The following ACADSB variants were observed in gnomAD, a reference collection of about 807,000 sequenced individuals.
ACADSB encodes short/branched chain specific acyl-CoA dehydrogenase, mitochondrial.
In ACADSB, 40 loss-of-function variants were observed where a neutral mutation model predicts 54.1. That is an observed-to-expected ratio of 0.74 (90% CI 0.57 to 0.96). ACADSB has a LOEUF of 0.96. Among genes scored for constraint, ACADSB ranks in the 40% least tolerant of loss-of-function variants. ACADSB has a pLI of 0.00. For synonymous variants in ACADSB, 182 were observed against 182.8 expected, an observed-to-expected ratio of 1.00 and a Z score of 0.03; for missense variants, 530 against 510.4, an observed-to-expected ratio of 1.04 and a Z score of -0.37.
rs896016961 is a variant in ACADSB at position 123,055,813 on chromosome 10, C to T, written c.*2048C>T. 1 of 152,300 alleles carries T rather than the reference C, an allele frequency of 6.6e-6. No homozygotes were observed. The highest frequency in any genetic ancestry group is 6.5e-5 in the Admixed American group (1 of 15,280). 9.4% of individuals were successfully genotyped at this position (152,300 alleles called of 1,614,324 possible). On this transcript the variant is annotated 3_prime_UTR_variant, in exon 11 of 11. Coordinates refer to ENST00000358776, the MANE Select transcript of ACADSB (RefSeq NM_001609.4). ...AATTTTAAACCTCCAAAATGATCAC[C>T]TTTGACTCCACGTCTCACAATCATC...
At chr10:123,034,640 A>T in intron 2 of ACADSB, 125 bp downstream of exon 2, 2 of 1,036,038 alleles carry the variant, frequency 1.9e-6, no homozygotes, top group South Asian at 2.6e-5. Flanking sequence ...CCTCCTGAAT[A>T]GCTGGAAAAA....
At chr10:123,016,541 T>C (rs1850111502) in intron 1 of ACADSB, among the ~76,000 whole-genome samples, 1 of 152,230 alleles carries the variant, frequency 6.6e-6, no homozygotes, top group African/African-American at 2.4e-5. Context: ...TTACAGTTCA[T>C]CCACAAGGAC....
chr10:123,057,998 T>C lies in ACADSB; in HGVS notation c.*4233T>C, dbSNP rs997652739. ...ATGAACATTTCAGAAGTGTTAGGAT[T>C]AGTCAGTGTCATCGCTTATGTATAT... On this transcript the variant is annotated 3_prime_UTR_variant, in exon 11 of 11. Transcript: ENST00000358776. The C allele has an allele frequency of 2.6e-5, 4 of 152,030 alleles. No homozygotes were observed. Among genetic ancestry groups the C allele is most frequent in the African/African-American group, 9.7e-5 (4 of 41,258 alleles). 9.4% of individuals were successfully genotyped at this position (152,030 alleles called of 1,614,324 possible).
intron 1 of ACADSB, among the ~76,000 whole-genome samples, chr10:123,028,504 A>G (rs570114863): frequency 6.6e-6 from 1 of 151,740 alleles, no homozygotes; most frequent in Admixed American, 6.6e-5. Flanking sequence ...CTCTACAAAA[A>G]GTTAAAAAAT....
chr10:123,012,864 C>T (rs1055687392), intron 1 of ACADSB, among the ~76,000 whole-genome samples: 4 of 152,140 alleles, frequency 2.6e-5, no homozygotes, highest in African/African-American at 4.8e-5. Context: ...GGCTCGGCAG[C>T]CTGATTGGTC....
intron 1 of ACADSB, among the ~76,000 whole-genome samples, chr10:123,015,039 G>C (rs1224292476): frequency 6.6e-6 from 1 of 152,256 alleles, no homozygotes; most frequent in East Asian, 1.9e-4. Context: ...AAGCTAGAAA[G>C]AATCACAGAG....
chr10:123,015,722 A>G (rs1051146696), intron 1 of ACADSB, among the ~76,000 whole-genome samples: 4 of 152,246 alleles, frequency 2.6e-5, no homozygotes, highest in Admixed American at 1.3e-4. Context: ...TACAGTTTCA[A>G]AGATTTTTGT....
At position 123,053,947 on chromosome 10, in the gene ACADSB, C is replaced by G. The variant is rs1206803252; in HGVS notation, c.*182C>G. On this transcript the variant is annotated 3_prime_UTR_variant, in exon 11 of 11. Coordinates refer to ENST00000358776, the MANE Select transcript of ACADSB (RefSeq NM_001609.4). ...GGTTTTCTCTTTTCAGGCTGTTTAA[C>G]TTAGGCACAGGAGATCCACTTTTAA... The G allele has an allele frequency of 1.6e-6, 1 of 642,054 alleles. No individual in the cohort carries two copies. The highest frequency in any genetic ancestry group is 1.8e-5 in the African/African-American group (1 of 54,740). 39.8% of individuals were successfully genotyped at this position (642,054 alleles called of 1,614,324 possible).
At chr10:123,042,543 C>G (rs533353317) in intron 5 of ACADSB, among the ~76,000 whole-genome samples, 44 of 150,158 alleles carry the variant, frequency 2.9e-4, no homozygotes, top group Non-Finnish European at 5.6e-4. Flanking sequence ...TCACTGCAAC[C>G]TCCGCCTTCT....
chr10:123,034,635 T>A, intron 2 of ACADSB, 120 bp downstream of exon 2: 2 of 1,082,802 alleles, frequency 1.8e-6, no homozygotes, highest in Non-Finnish European at 2.8e-6. Flanking sequence ...TTCAGCCTCC[T>A]GAATAGCTGG....
In ACADSB at chr10:123,056,356, GA is replaced by G; in HGVS notation, c.*2594del. On this transcript the variant is annotated 3_prime_UTR_variant, in exon 11 of 11. Transcript: ENST00000358776. ...AGAAAATGAAGAAGAAGCAAAAGTG[GA>G]AACCCCTGATAAACCCATCAGATCT... 4.4e-6 allele frequency: 1 copy of G among 229,112 alleles called. No homozygotes were observed. The allele number at this position is 229,112 out of a possible 1,614,324, so 14.2% of individuals were successfully genotyped here. A position where few individuals can be genotyped will look rare whatever the true frequency, so the allele number is the denominator to read the frequency against.
At chr10:123,036,568 C>CT (rs1850401680) in intron 2 of ACADSB, among the ~76,000 whole-genome samples, 1 of 152,084 alleles carries the variant, frequency 6.6e-6, no homozygotes, top group South Asian at 2.1e-4. Context: ...CTAGTCTAAG[C>CT]ACAGAAGCAA....
rs1435765435 is a variant in ACADSB, at chr10:123,057,178, A to G, written c.*3413A>G. On this transcript the variant is annotated 3_prime_UTR_variant, in exon 11 of 11. Transcript: ENST00000358776. ...AACTTCTTCCCATAGAATTAGAAAC[A>G]TGTGAAAGTACAATAAACTTCTTGT... 1 of 152,250 alleles carries G rather than the reference A, an allele frequency of 6.6e-6. No individual in the cohort carries two copies. The highest frequency in any genetic ancestry group is 1.5e-5 in the Non-Finnish European group (1 of 68,052). The allele number at this position is 152,250 out of a possible 1,614,324, so 9.4% of individuals were successfully genotyped here. A position where few individuals can be genotyped will look rare whatever the true frequency, so the allele number is the denominator to read the frequency against.
At chr10:123,028,384 G>T (rs1203577548) in intron 1 of ACADSB, among the ~76,000 whole-genome samples, 1 of 152,174 alleles carries the variant, frequency 6.6e-6, no homozygotes, top group African/African-American at 2.4e-5. Context: ...TTGAAAACAG[G>T]CTGGGCATGG....
At chr10:123,010,773 G>C (rs1850021424) in intron 1 of ACADSB, among the ~76,000 whole-genome samples, 1 of 152,190 alleles carries the variant, frequency 6.6e-6, no homozygotes, top group Admixed American at 6.5e-5. Context: ...TGCTATGCCA[G>C]ATGTAATAAT....
At chr10:123,015,299 C>A (rs776778915) in intron 1 of ACADSB, among the ~76,000 whole-genome samples, 3 of 152,250 alleles carry the variant, frequency 2.0e-5, no homozygotes, top group Non-Finnish European at 4.4e-5. Context: ...AAGAGTCTTT[C>A]TCCTTTCTCT....
At chr10:123,037,644 C>A (rs889012322) in intron 2 of ACADSB, 103 bp from the exon 3 acceptor site, 3 of 765,956 alleles carry the variant, frequency 3.9e-6, no homozygotes, top group African/African-American at 3.5e-5. Flanking sequence ...AAGAAGGGTA[C>A]CTGTGTATAT....
In ACADSB at chr10:123,052,975, C is replaced by A; in HGVS notation, c.1129-86C>A. On this transcript the variant is annotated intron_variant, in intron 9 of 10. Transcript: ENST00000358776. The surrounding 1 kb of genome is among the most constrained non-coding windows in gnomAD (Gnocchi z 4.2). ...CCTTCCAGTGCCACTAACAGTAAAT[C>A]CATGTTGCTGAAAATGTTACCCAGA... is the stretch of plus-strand genomic sequence containing the variant. 1.9e-6 allele frequency: 2 copies of A among 1,047,428 alleles called. No individual in the cohort carries two copies. The highest frequency in any genetic ancestry group is 3.0e-6 in the Non-Finnish European group (2 of 669,752). 64.9% of individuals were successfully genotyped at this position (1,047,428 alleles called of 1,614,324 possible).
rs750729020 is a variant in ACADSB, at chr10:123,041,295, T to C, written c.597T>C (p.Tyr199=). ...KTRADKEGDY[Y]VLNGSKMWIS... ...GAGCTGATAAAGAGGGAGATTATTA[T>C]GTCCTCAATGGATCAAAGATGTGGA... Residue 199 remains tyrosine (Y), a synonymous_variant, in exon 5 of 11, where the codon TAT becomes TAC. Transcript: ENST00000358776. 1.9e-5 allele frequency: 31 copies of C among 1,614,116 alleles called. No homozygotes were observed. Among genetic ancestry groups the C allele is most frequent in the Non-Finnish European group, 2.5e-5 (30 of 1,180,026 alleles).
Sources: allele counts gnomAD v4.1 joint callset (sites outside exome capture counted in the v4.1 genomes callset), GRCh38; gene constraint gnomAD v4.1.1; non-coding constraint Gnocchi (gnomAD v3.1); transcripts MANE v1.5; gene names NCBI Gene and HGNC (gene_info 2026-07-23, HGNC 2026-07-21).